Variants in ROBO2 observed in about 807,000 individuals in gnomAD.
ROBO2 encodes the protein roundabout guidance receptor 2.
In ROBO2, 53 loss-of-function variants were observed where a neutral mutation model predicts 160.8. The ratio of observed to expected loss-of-function variants is 0.33; its 90% CI spans 0.26 to 0.41. The LOEUF is 0.41. Among genes scored for constraint, ROBO2 ranks in the 10% least tolerant of loss-of-function variants. The pLI, the probability that ROBO2 is intolerant of heterozygous loss-of-function variation, is 1.00. For synonymous variants in ROBO2, 664 were observed against 611.7 expected (o/e 1.09, Z -1.26); for missense variants, 1,577 against 1,722.4 (o/e 0.92, Z 1.49).
At chr3:76,876,926 T>C (rs924650513) in intron 2 of ROBO2, among the ~76,000 whole-genome samples, 6 of 152,182 alleles carry the variant, frequency 3.9e-5, no homozygotes, top group Non-Finnish European at 7.3e-5. Context: ...TGCTTTCTGA[T>C]ATTCTAGAAT....
intron 2 of ROBO2, among the ~76,000 whole-genome samples, chr3:76,975,102 A>G (rs1204758267): frequency 6.6e-6 from 1 of 152,220 alleles, no homozygotes; most frequent in Admixed American, 6.5e-5. Context: ...TATAACGTGG[A>G]AAATACATCG....
At chr3:76,381,203 A>C (rs1434902605) in intron 2 of ROBO2, among the ~76,000 whole-genome samples, 1 of 152,158 alleles carries the variant, frequency 6.6e-6, no homozygotes, top group African/African-American at 2.4e-5. Flanking sequence ...ACTTTTAAGC[A>C]AGAGAGTGAA....
At chr3:76,531,419 C>A (rs1426302206) in intron 2 of ROBO2, among the ~76,000 whole-genome samples, 1 of 152,070 alleles carries the variant, frequency 6.6e-6, no homozygotes, top group East Asian at 1.9e-4. Flanking sequence ...GCCTTCTAAT[C>A]TCATTCAAAG....
chr3:77,271,012 T>G (rs2059456323), intron 2 of ROBO2, among the ~76,000 whole-genome samples: 2 of 152,126 alleles, frequency 1.3e-5, no homozygotes, highest in Admixed American at 1.3e-4. Flanking sequence ...TATATGATTT[T>G]ATGAGAAATA....
rs142092262 is a variant in ROBO2, at chr3:77,047,283, C to T, written c.61+6437C>T. Among the ~76,000 whole-genome samples the T allele has an allele frequency of 2.3e-3, 356 of 152,258 alleles. 3 individuals carry two copies. The highest frequency in any genetic ancestry group is 8.3e-3 in the African/African-American group (347 of 41,562). ...GCAATCACTACTGAATGAGTATGAA[C>T]AAGTAATTTAACCTTTTTATGCCTC... On this transcript the variant is annotated intron_variant, in intron 1 of 25. Coordinates refer to ENST00000461745, the Ensembl canonical transcript of ROBO2.
At chr3:77,002,300 GTTTC>G (rs1201530408) in intron 2 of ROBO2, among the ~76,000 whole-genome samples, 3 of 151,526 alleles carry the variant, frequency 2.0e-5, no homozygotes, top group African/African-American at 7.3e-5. Flanking sequence ...CACATAAAAT[GTTTC>G]TTTCTCTAAA....
intron 2 of ROBO2, among the ~76,000 whole-genome samples, chr3:77,388,750 C>G (rs930089768): frequency 6.6e-6 from 1 of 152,048 alleles, no homozygotes. Context: ...TGGCCTTTTA[C>G]TACCATAGTA....
At chr3:76,634,164 T>C (rs1232903130) in intron 2 of ROBO2, among the ~76,000 whole-genome samples, 2 of 152,232 alleles carry the variant, frequency 1.3e-5, no homozygotes, top group Admixed American at 6.5e-5. Context: ...TCTTTGCGGC[T>C]TTTCTCCTTG....
chr3:76,873,573 A>AGTC (rs370380909), intron 2 of ROBO2, among the ~76,000 whole-genome samples: 27 of 151,806 alleles, frequency 1.8e-4, no homozygotes, highest in South Asian at 8.3e-4. Context: ...TAGTAGTAGT[A>AGTC]GTCGTCGTCG....
intron 2 of ROBO2, among the ~76,000 whole-genome samples, chr3:76,417,271 G>A (rs549024013): frequency 3.3e-4 from 50 of 152,320 alleles, no homozygotes; most frequent in African/African-American, 1.1e-3. Context: ...GAGTTTAGAT[G>A]TCTTGCCACA....
intron 2 of ROBO2, among the ~76,000 whole-genome samples, chr3:76,638,040 T>TA (rs2090434981): frequency 6.6e-6 from 1 of 152,192 alleles, no homozygotes; most frequent in South Asian, 2.1e-4. Context: ...CCTTTTTGTT[T>TA]AAAAAATTGC....
chr3:76,422,294 A>T (rs2076029586), intron 2 of ROBO2, among the ~76,000 whole-genome samples: 1 of 152,206 alleles, frequency 6.6e-6, no homozygotes, highest in African/African-American at 2.4e-5. Context: ...ATACTTTCTT[A>T]TCAAGAGGTT....
At chr3:77,317,812 G>T (rs1245020620) in intron 2 of ROBO2, among the ~76,000 whole-genome samples, 2 of 21,820 alleles carry the variant, frequency 9.2e-5, no homozygotes, top group Admixed American at 1.2e-3. Context: ...CTGCTGGGGG[G>T]GCTGCTGGGG....
chr3:77,183,978 G>T (rs1045384909), intron 2 of ROBO2, among the ~76,000 whole-genome samples: 2 of 152,034 alleles, frequency 1.3e-5, no homozygotes, highest in Admixed American at 6.6e-5. Flanking sequence ...GGTTGCATAT[G>T]AGCTTAGTAT....
intron 7 of ROBO2, among the ~76,000 whole-genome samples, chr3:77,549,758 T>C (rs2092842902): frequency 1.3e-5 from 2 of 152,086 alleles, no homozygotes; most frequent in South Asian, 2.1e-4. Context: ...ACTTCAAGGG[T>C]AAAAACATTT....
chr3:77,644,608 A>G, intron 24 of ROBO2, 96 bp from the exon 27 acceptor site: 1 of 1,055,240 alleles, frequency 9.5e-7, no homozygotes, highest in African/African-American at 1.6e-5. Context: ...ATGAAATGGT[A>G]AAGTAGGCCA....
chr3:77,489,074 G>A (rs1458398334), intron 4 of ROBO2, among the ~76,000 whole-genome samples: 1 of 152,166 alleles, frequency 6.6e-6, no homozygotes, highest in Non-Finnish European at 1.5e-5. Flanking sequence ...GTTAGAAAGG[G>A]TGCTATGGAA....
At chr3:77,406,504 A>G (rs2076266557) in intron 2 of ROBO2, among the ~76,000 whole-genome samples, 1 of 152,198 alleles carries the variant, frequency 6.6e-6, no homozygotes, top group Non-Finnish European at 1.5e-5. Flanking sequence ...AAAGATAAAT[A>G]TTTTATCAAC....
intron 2 of ROBO2, among the ~76,000 whole-genome samples, chr3:77,435,951 T>C (rs1043680345): frequency 1.2e-4 from 18 of 150,846 alleles, no homozygotes; most frequent in African/African-American, 3.9e-4. Flanking sequence ...CTGAAGAAAT[T>C]GAGACTCACT....
Sources: allele counts gnomAD v4.1 joint callset (sites outside exome capture counted in the v4.1 genomes callset), GRCh38; gene constraint gnomAD v4.1.1; transcripts MANE v1.5; gene names NCBI Gene and HGNC (gene_info 2026-07-23, HGNC 2026-07-21).